The following ROBO2 variants were observed in gnomAD, a reference collection of about 807,000 sequenced individuals.
The protein encoded by ROBO2 is roundabout homolog 2.
A neutral mutation model predicts 160.8 loss-of-function variants in ROBO2; 53 were observed. That is an observed-to-expected ratio of 0.33 (90% CI 0.26 to 0.41). The LOEUF is 0.41. Among genes scored for constraint, ROBO2 ranks in the 10% least tolerant of loss-of-function variants. The probability of loss-of-function intolerance (pLI) is 1.00; values close to 1 mark genes in which losing one functional copy is unlikely to be tolerated. For synonymous variants in ROBO2, 664 were observed against 611.7 expected (o/e 1.09, Z -1.26); for missense variants, 1,577 against 1,722.4 (o/e 0.92, Z 1.49).
At chr3:76,401,015 A>T (rs953579901) in intron 2 of ROBO2, among the ~76,000 whole-genome samples, 2 of 151,572 alleles carry the variant, frequency 1.3e-5, no homozygotes, top group African/African-American at 4.8e-5. Flanking sequence ...ATAAGAAATT[A>T]TGCTTCACAT....
At chr3:76,671,616 A>C (rs1182176336) in intron 2 of ROBO2, among the ~76,000 whole-genome samples, 2 of 152,170 alleles carry the variant, frequency 1.3e-5, no homozygotes, top group African/African-American at 4.8e-5. Flanking sequence ...CACAACATTG[A>C]GATATGGGAG....
chr3:77,251,615 C>T (rs1303440773), intron 2 of ROBO2, among the ~76,000 whole-genome samples: 3 of 152,104 alleles, frequency 2.0e-5, no homozygotes, highest in South Asian at 2.1e-4. Flanking sequence ...GGATTTGTTG[C>T]GTCCCGACCC....
Position 77,178,871 on chromosome 3 carries a change from T to C in ROBO2, c.388+80531T>C, listed in dbSNP as rs567729380. 1.2e-4 allele frequency among the ~76,000 whole-genome samples: 18 copies of C among 152,152 alleles called. No homozygotes were observed. The East Asian group carries it at 3.5e-3, about 29-fold the overall frequency. Reference sequence around the variant, plus strand: ...TGAGTTTGATTTGTTAAGAAATACTTACGCTGTTCTCTCTAGTCTTAGTGT... The same window carrying C: ...TGAGTTTGATTTGTTAAGAAATACTCACGCTGTTCTCTCTAGTCTTAGTGT... On this transcript the variant is annotated intron_variant, in intron 2 of 25. Transcript: ENST00000461745.
intron 2 of ROBO2, among the ~76,000 whole-genome samples, chr3:76,430,940 G>A (rs188725073): frequency 6.6e-5 from 10 of 151,972 alleles, no homozygotes; most frequent in South Asian, 2.1e-4. Context: ...GTGAAATTAT[G>A]AAACTCTCTT....
At chr3:77,063,132 T>G (rs1461583697) in intron 1 of ROBO2, among the ~76,000 whole-genome samples, 1 of 152,058 alleles carries the variant, frequency 6.6e-6, no homozygotes, top group African/African-American at 2.4e-5. Context: ...GCATATAGGG[T>G]GGGAACTGAA....
intron 2 of ROBO2, among the ~76,000 whole-genome samples, chr3:76,698,199 C>T (rs1458874278): frequency 6.6e-6 from 1 of 152,156 alleles, no homozygotes; most frequent in Admixed American, 6.6e-5. Flanking sequence ...TCTATGAGCA[C>T]GCCAGTGAGA....
intron 2 of ROBO2, among the ~76,000 whole-genome samples, chr3:77,452,935 A>G (rs1381354500): frequency 6.6e-6 from 1 of 152,070 alleles, no homozygotes; most frequent in Admixed American, 6.6e-5. Context: ...TAAAATGGGT[A>G]TTTCTCAGGG....
At chr3:76,467,081 A>T (rs1396897596) in intron 2 of ROBO2, among the ~76,000 whole-genome samples, 1 of 152,060 alleles carries the variant, frequency 6.6e-6, no homozygotes, top group African/African-American at 2.4e-5. Flanking sequence ...AAAATGAGGA[A>T]ATATATTTTA....
rs551239269 is a variant in ROBO2, at chr3:75,981,314, A to G, written c.109+43712A>G. ...TCAGTTTCCCAAGTTTTCCATTTGT[A>G]CAAAGGACTTATCTATCTCCTATAG... On this transcript the variant is annotated intron_variant, in intron 2 of 26. Coordinates refer to the ROBO2 transcript ENST00000487694. Among the ~76,000 whole-genome samples the G allele has an allele frequency of 9.8e-4, 149 of 151,636 alleles. 2 individuals carry two copies. Among genetic ancestry groups the G allele is most frequent in the African/African-American group, 3.5e-3 (144 of 41,510 alleles).
At chr3:76,089,783 GATTCA>G (rs966035269) in intron 2 of ROBO2, among the ~76,000 whole-genome samples, 1 of 151,972 alleles carries the variant, frequency 6.6e-6, no homozygotes, top group African/African-American at 2.4e-5. Flanking sequence ...AATGCAAGAA[GATTCA>G]ATTCACCACT....
At chr3:76,668,867 A>G (rs1296236941) in intron 2 of ROBO2, among the ~76,000 whole-genome samples, 1 of 152,130 alleles carries the variant, frequency 6.6e-6, no homozygotes, top group Non-Finnish European at 1.5e-5. Flanking sequence ...GGAAAATAGA[A>G]AAGCTGACTG....
chr3:76,103,451 C>T (rs996196622), intron 2 of ROBO2, among the ~76,000 whole-genome samples: 2 of 152,150 alleles, frequency 1.3e-5, no homozygotes, highest in Non-Finnish European at 2.9e-5. Context: ...GAGTCTGCAA[C>T]GCACCCTCTG....
At chr3:75,967,572 G>C (rs927195563) in intron 2 of ROBO2, among the ~76,000 whole-genome samples, 1 of 151,426 alleles carries the variant, frequency 6.6e-6, no homozygotes, top group Non-Finnish European at 1.5e-5. Flanking sequence ...AGGTATGTAT[G>C]GCCCTTACAC....
chr3:77,644,881 A>C (rs1450255297), exon 25 of ROBO2: 3 of 1,613,976 alleles, frequency 1.9e-6, no homozygotes, highest in Non-Finnish European at 2.5e-6. Flanking sequence ...TCCAACAGTC[A>C]AGGACAGTTT....
Position 77,313,585 on chromosome 3 carries a change from T to C in ROBO2, c.389-163829T>C, listed in dbSNP as rs577352322. Among the ~76,000 whole-genome samples the C allele has an allele frequency of 7.2e-5, 11 of 152,190 alleles. 1 individual carries two copies. The South Asian group carries it at 2.3e-3, about 32-fold the overall frequency. The stretch of plus-strand genomic sequence containing the variant: ...TTTTGTTTTGCTTTGTTTTGTGTTT[T>C]TTGGTTTGTTTGTTTTTAAGATGGA... On this transcript the variant is annotated intron_variant, in intron 2 of 25. Transcript: ENST00000461745.
rs892067457 is a variant in ROBO2, at chr3:77,135,336, G to A, written c.388+36996G>A. 2.6e-5 allele frequency among the ~76,000 whole-genome samples: 4 copies of A among 152,054 alleles called. 1 individual carries two copies. ...CTAAAGTTATTTGGAGTCTGTGGTG[G>A]GTATGTCTTATTGTGATCTCTGTAA... On this transcript the variant is annotated intron_variant, in intron 2 of 25. Transcript: ENST00000461745.
chr3:77,124,617 G>A (rs113136931), intron 2 of ROBO2, among the ~76,000 whole-genome samples: 1,920 of 152,154 alleles, frequency 0.013, 26 homozygotes, highest in African/African-American at 0.043. Context: ...AATATAATCA[G>A]GGTAGGAAAA....
chr3:76,921,628 C>T (rs2076667728), intron 2 of ROBO2, among the ~76,000 whole-genome samples: 1 of 152,100 alleles, frequency 6.6e-6, no homozygotes, highest in South Asian at 2.1e-4. Flanking sequence ...TTGCTAGATC[C>T]AACCTCAAAT....
chr3:76,670,953 C>T (rs1404609921), intron 2 of ROBO2, among the ~76,000 whole-genome samples: 1 of 149,108 alleles, frequency 6.7e-6, no homozygotes, highest in African/African-American at 2.5e-5. Flanking sequence ...TTTTAATCCA[C>T]TGCTTGGCTC....
Sources: gnomAD v4.1 joint callset for allele counts (sites outside exome capture counted in the v4.1 genomes callset) on GRCh38, gnomAD v4.1.1 for gene constraint, MANE v1.5 for transcripts, NCBI Gene and HGNC (gene_info 2026-07-23, HGNC 2026-07-21) for gene names.